Variants in CSMD1 observed in about 807,000 individuals in gnomAD.
CSMD1 encodes CUB and sushi domain-containing protein 1.
A neutral mutation model predicts 417.5 loss-of-function variants in CSMD1; 213 were observed. The observed-to-expected ratio is 0.51, with a 90% confidence interval of 0.46 to 0.57. CSMD1 has a LOEUF of 0.57. CSMD1 is among the 20% of genes least tolerant of loss of function. The pLI, the probability that CSMD1 is intolerant of heterozygous loss-of-function variation, is 0.00. For missense variants in CSMD1, 6,923 were observed against 4,529.7 expected, an observed-to-expected ratio of 1.53 and a Z score of -15.17; for synonymous variants, 2,862 against 1,736.8, an observed-to-expected ratio of 1.65 and a Z score of -16.11.
At chr8:4,990,143 G>T (rs1811384473) in intron 1 of CSMD1, among the ~76,000 whole-genome samples, 1 of 152,150 alleles carries the variant, frequency 6.6e-6, no homozygotes, top group Admixed American at 6.5e-5. Context: ...TGTTTGATGA[G>T]ACCTCATTGC....
chr8:3,206,710 G>C (rs757303402), intron 30 of CSMD1, among the ~76,000 whole-genome samples: 17 of 151,780 alleles, frequency 1.1e-4, no homozygotes, highest in African/African-American at 3.1e-4. Flanking sequence ...GGTTATGTCT[G>C]TGTGAATGTG....
Position 3,297,636 on chromosome 8 carries a change from C to G in CSMD1, c.3950+10059G>C, listed in dbSNP as rs74830662. On this transcript the variant is annotated intron_variant, in intron 25 of 69. Transcript: ENST00000635120. ...AATCTGTGACACTTCAGTCTCCATA[C>G]TGTACACAAAAATTTATCCCCAGTG... Among the ~76,000 whole-genome samples, 871 of 152,154 alleles carry G rather than the reference C, an allele frequency of 5.7e-3. 26 individuals are homozygous for G. The East Asian group carries it at 0.075, about 13-fold the overall frequency.
chr8:4,510,683 TCTTCCTTCCCCTTTCC>T (rs1300258296), intron 2 of CSMD1, among the ~76,000 whole-genome samples: 7 of 122,926 alleles, frequency 5.7e-5, no homozygotes, highest in Admixed American at 9.1e-5. Context: ...TTCCCTCCTC[TCTTCCTTCCCCTTTCC>T]CTTCCTTCCC....
intron 3 of CSMD1, among the ~76,000 whole-genome samples, chr8:4,295,093 CACACATATAATCTTAA>C (rs1379152970): frequency 3.1e-5 from 3 of 95,466 alleles, no homozygotes; most frequent in Non-Finnish European, 8.0e-5. Context: ...CTTAAGATTA[CACACATATAATCTTAA>C]GATTACACAC....
intron 1 of CSMD1, among the ~76,000 whole-genome samples, chr8:4,954,258 T>A (rs1255027266): frequency 6.6e-6 from 1 of 152,194 alleles, no homozygotes; most frequent in East Asian, 1.9e-4. Flanking sequence ...AATTACCAAT[T>A]ACGATATGGT....
intron 2 of CSMD1, among the ~76,000 whole-genome samples, 197 bp from the exon 3 acceptor site, chr8:4,420,262 T>C (rs1238632732): frequency 6.6e-6 from 1 of 152,200 alleles, no homozygotes; most frequent in Non-Finnish European, 1.5e-5. Context: ...GAGAATATGT[T>C]TATTTAAATA....
intron 68 of CSMD1, among the ~76,000 whole-genome samples, chr8:2,946,938 C>T (rs955983744): frequency 2.0e-5 from 3 of 152,160 alleles, no homozygotes; most frequent in African/African-American, 7.2e-5. Flanking sequence ...GAAGGGGTAT[C>T]CCAGTGTGGT....
At chr8:3,261,377 C>T (rs755762962) in intron 26 of CSMD1, among the ~76,000 whole-genome samples, 7 of 152,148 alleles carry the variant, frequency 4.6e-5, no homozygotes, top group Admixed American at 6.5e-5. Context: ...TAGAAACTTA[C>T]GTTCCCATGA....
intron 4 of CSMD1, among the ~76,000 whole-genome samples, chr8:4,020,890 G>C (rs147626463): frequency 1.3e-5 from 2 of 152,294 alleles, no homozygotes; most frequent in East Asian, 3.9e-4. Flanking sequence ...GTCCTACTCA[G>C]CTCAAATATG....
chr8:3,698,120 C>G (rs1032391556), intron 7 of CSMD1, among the ~76,000 whole-genome samples: 17 of 152,130 alleles, frequency 1.1e-4, no homozygotes, highest in African/African-American at 4.1e-4. Flanking sequence ...TGTTTTGCTT[C>G]TAGTTCCCAG....
chr8:3,702,746 C>A (rs925683715), intron 7 of CSMD1, among the ~76,000 whole-genome samples: 1 of 152,152 alleles, frequency 6.6e-6, no homozygotes, highest in Non-Finnish European at 1.5e-5. Context: ...GCAGGAGAAT[C>A]GCTGGAACCT....
chr8:4,407,780 T>G (rs1423897376), intron 3 of CSMD1, among the ~76,000 whole-genome samples: 1 of 152,184 alleles, frequency 6.6e-6, no homozygotes, highest in Non-Finnish European at 1.5e-5. Flanking sequence ...ACAGAAATTT[T>G]GATACACATG....
chr8:4,149,636 G>C (rs1054388184), intron 3 of CSMD1, among the ~76,000 whole-genome samples: 5 of 152,102 alleles, frequency 3.3e-5, no homozygotes, highest in African/African-American at 2.4e-5. Flanking sequence ...AATCATCCTA[G>C]CTCAACACCT....
At position 3,398,048 on chromosome 8, in the gene CSMD1, C is replaced by T. The variant is rs149891921; in HGVS notation, c.2405+1343G>A. Among the ~76,000 whole-genome samples the T allele has an allele frequency of 5.6e-3, 848 of 152,214 alleles. 8 individuals carry two copies. Among genetic ancestry groups the T allele is most frequent in the African/African-American group, 0.019 (793 of 41,528 alleles). ...AAATGGAATTTAGCAAAACATCACA[C>T]TGAAACAATACTGAATGAATGAGAT... On this transcript the variant is annotated intron_variant, in intron 16 of 69. Transcript: ENST00000635120.
At chr8:3,886,695 A>T in intron 5 of CSMD1, among the ~76,000 whole-genome samples, 1 of 152,196 alleles carries the variant, frequency 6.6e-6, no homozygotes, top group South Asian at 2.1e-4. Context: ...TACATGTTAG[A>T]CACTTATGGA....
chr8:3,334,009 A>G (rs757657503), intron 23 of CSMD1, among the ~76,000 whole-genome samples: 12 of 152,226 alleles, frequency 7.9e-5, no homozygotes, highest in East Asian at 3.8e-4. Context: ...GAAGTAATCA[A>G]TGATGACATG....
chr8:4,077,973 G>C (rs1010567426), intron 3 of CSMD1, among the ~76,000 whole-genome samples: 3 of 151,956 alleles, frequency 2.0e-5, no homozygotes, highest in African/African-American at 7.3e-5. Flanking sequence ...GTGTCCCCAG[G>C]CTCTCCGATT....
chr8:3,831,133 A>T (rs1413162978), intron 5 of CSMD1, among the ~76,000 whole-genome samples: 1 of 152,190 alleles, frequency 6.6e-6, no homozygotes, highest in African/African-American at 2.4e-5. Flanking sequence ...ATATTTCACA[A>T]ATGCTTTCAC....
Position 3,586,180 on chromosome 8 carries a change from G to T in CSMD1, c.1178C>A (p.Thr393Lys). The change falls in exon 9 of 70, where the codon ACA (threonine) becomes AAA (lysine). Residue 393 changes from threonine to lysine, a missense_variant. Transcript: ENST00000635120. Reference sequence around the variant, plus strand: ...GTCACTCCAAGCAGCGAGCGTCTCTGTAACTCTCTGACAGGTGATGCTTTT... The same window carrying T: ...GTCACTCCAAGCAGCGAGCGTCTCTTTAACTCTCTGACAGGTGATGCTTTT... ...GSKSITCQRV[T>K]ETLAAWSDHR... The T allele has an allele frequency of 6.2e-7, 1 of 1,612,594 alleles. No homozygotes were observed. The highest frequency in any genetic ancestry group is 8.5e-7 in the Non-Finnish European group (1 of 1,179,390).
Sources: allele counts gnomAD v4.1 joint callset (sites outside exome capture counted in the v4.1 genomes callset), GRCh38; gene constraint gnomAD v4.1.1; transcripts MANE v1.5; gene names NCBI Gene and HGNC (gene_info 2026-07-23, HGNC 2026-07-21).